Variants in MAP7D3 observed in about 807,000 individuals in gnomAD.
MAP7D3 encodes MAP7 domain-containing protein 3.
In MAP7D3, 45 loss-of-function variants were observed where a neutral mutation model predicts 62.2. That is an observed-to-expected ratio of 0.72 (90% CI 0.57 to 0.93). The LOEUF (loss-of-function observed/expected upper bound fraction) is 0.93. Among genes scored for constraint, MAP7D3 ranks in the 40% least tolerant of loss-of-function variants. The pLI, the probability that MAP7D3 is intolerant of heterozygous loss-of-function variation, is 0.00. For synonymous variants in MAP7D3, 288 were observed against 248.8 expected (o/e 1.16, Z -1.48); for missense variants, 711 against 683.1 (o/e 1.04, Z -0.45).
At position 136,218,115 on chromosome X, in the gene MAP7D3, T is replaced by C. The variant is rs1419059648; in HGVS notation, c.*411A>G. The stretch of plus-strand genomic sequence containing the variant: ...TTACTTTAAGATTTCAAATATATAC[T>C]GAAAGAGAATTAGTTCTGCAATCAG... On this transcript the variant is annotated 3_prime_UTR_variant, in exon 19 of 19. Transcript: ENST00000316077. 2 of 110,934 alleles carry C rather than the reference T, an allele frequency of 1.8e-5. No homozygotes were observed. Among genetic ancestry groups the C allele is most frequent in the African/African-American group, 3.3e-5 (1 of 30,576 alleles). 9.1% of individuals were successfully genotyped at this position (110,934 alleles called of 1,213,427 possible).
upstream of MAP7D3, among the ~76,000 whole-genome samples, chrX:136,252,766 T>C (rs2074528134): frequency 9.7e-6 from 1 of 102,929 alleles, no homozygotes; most frequent in African/African-American, 3.6e-5. Flanking sequence ...AATTAAAACG[T>C]GGTCAATAAG....
At chrX:136,251,964 G>A (rs1316181498), upstream of MAP7D3, among the ~76,000 whole-genome samples, 1 of 112,167 alleles carries the variant, frequency 8.9e-6, no homozygotes, top group Non-Finnish European at 1.9e-5. Flanking sequence ...AGATGTTTGT[G>A]AGTCTTCAAA....
intron 6 of MAP7D3, among the ~76,000 whole-genome samples, chrX:136,237,376 C>T (rs991224043): frequency 1.8e-5 from 2 of 112,092 alleles, no homozygotes; most frequent in African/African-American, 6.5e-5. Flanking sequence ...AAATAGACTA[C>T]TTGAATCAAC....
chrX:136,225,846 A>C (rs2074187589), intron 13 of MAP7D3, 63 bp downstream of exon 13: 7 of 714,749 alleles, frequency 9.8e-6, no homozygotes, highest in Admixed American at 5.8e-5. Context: ...AAACATGCTG[A>C]TATCAGGTGC....
chrX:136,256,273 C>A (rs758334523), upstream of MAP7D3: 1,795 of 1,152,410 alleles, frequency 1.6e-3, 1 homozygote, highest in Non-Finnish European at 2.0e-3. Context: ...CCCACATCTG[C>A]GCTTTCTTCC....
intron 1 of MAP7D3, among the ~76,000 whole-genome samples, chrX:136,249,704 G>C (rs1442551418): frequency 8.9e-6 from 1 of 112,064 alleles, no homozygotes; most frequent in African/African-American, 3.2e-5. Flanking sequence ...CAACATTTTA[G>C]CAAAAACATC....
downstream of MAP7D3, among the ~76,000 whole-genome samples, chrX:136,216,197 T>A (rs994414410): frequency 7.4e-5 from 8 of 107,782 alleles, no homozygotes; most frequent in Admixed American, 1.0e-4. Flanking sequence ...TAACAAGCAC[T>A]GAAATAGTTG....
At chrX:136,236,713 CAT>C (rs1483509427) in intron 6 of MAP7D3, among the ~76,000 whole-genome samples, 1 of 111,943 alleles carries the variant, frequency 8.9e-6, no homozygotes, top group African/African-American at 3.2e-5. Flanking sequence ...CGTATACACA[CAT>C]GTACACACAC....
At chrX:136,245,987 T>C (rs1023454423) in intron 3 of MAP7D3, 78 bp downstream of exon 3, 1 of 663,961 alleles carries the variant, frequency 1.5e-6, no homozygotes, top group African/African-American at 2.2e-5. Flanking sequence ...ATAAACAAAT[T>C]AGGAGGAATA....
intron 14 of MAP7D3, among the ~76,000 whole-genome samples, chrX:136,222,931 T>G (rs751065681): frequency 1.8e-5 from 2 of 109,354 alleles, no homozygotes; most frequent in Non-Finnish European, 3.8e-5. Flanking sequence ...AGCCTCAGAC[T>G]TTTGGACTCG....
At chrX:136,240,296 C>T (rs2074374565) in intron 6 of MAP7D3, 86 bp downstream of exon 6, 3 of 552,697 alleles carry the variant, frequency 5.4e-6, no homozygotes, top group Admixed American at 2.7e-5. Context: ...AAATGTTCCA[C>T]AATCTAAATA....
intron 18 of MAP7D3, among the ~76,000 whole-genome samples, chrX:136,218,763 C>T (rs1197409790): frequency 8.9e-6 from 1 of 112,001 alleles, no homozygotes; most frequent in African/African-American, 3.2e-5. Context: ...GAAGACCTCC[C>T]TAATCTTCTG....
chrX:136,256,400 A>C (rs1239131966), upstream of MAP7D3: 2 of 1,008,898 alleles, frequency 2.0e-6, no homozygotes, highest in Non-Finnish European at 2.7e-6. Flanking sequence ...CTGACACTTC[A>C]GTACCCCTCC....
chrX:136,251,503 G>A, upstream of MAP7D3: 1 of 822,639 alleles, frequency 1.2e-6, no homozygotes, highest in Non-Finnish European at 1.5e-6. Flanking sequence ...CACCGCGCCC[G>A]CCTCGGACCT....
intron 13 of MAP7D3, among the ~76,000 whole-genome samples, chrX:136,225,441 C>T (rs923687615): frequency 9.0e-6 from 1 of 111,726 alleles, no homozygotes; most frequent in Non-Finnish European, 1.9e-5. Flanking sequence ...ACCAGATAGG[C>T]CTTGCAGCAA....
At chrX:136,250,144 C>T (rs1037126294) in intron 1 of MAP7D3, among the ~76,000 whole-genome samples, 1 of 111,655 alleles carries the variant, frequency 9.0e-6, no homozygotes, top group Non-Finnish European at 1.9e-5. Flanking sequence ...ATTCTTTTCT[C>T]CCTAATGAAT....
At chrX:136,230,258 C>T (rs562199717) in intron 10 of MAP7D3, 127 bp downstream of exon 10, 21 of 450,130 alleles carry the variant, frequency 4.7e-5, no homozygotes, top group Middle Eastern at 1.2e-3. Flanking sequence ...GTTAGATTCT[C>T]TCTTTCTAAA....
chrX:136,228,536 T>C, intron 11 of MAP7D3, 87 bp downstream of exon 11: 1 of 927,015 alleles, frequency 1.1e-6, no homozygotes, highest in East Asian at 3.4e-5. Flanking sequence ...TCTTTGAGAA[T>C]TTATAACTTG....
In MAP7D3 at chrX:136,232,023, C is replaced by T; in HGVS notation, c.934G>A (p.Glu312Lys). The change falls in exon 8 of 19, where the codon GAA becomes AAA. Residue 312 changes from glutamate to lysine, a missense_variant. Coordinates refer to ENST00000316077, the MANE Select transcript of MAP7D3 (RefSeq NM_024597.4). ...SVDAPPQVNV[E>K]VFCNTSMEAS... Reference sequence around the variant, plus strand: ...TCCATGCTTGTGTTGCAGAATACTTCCACATTCACCTGGGGGGGTGCATCC... The same window carrying T: ...TCCATGCTTGTGTTGCAGAATACTTTCACATTCACCTGGGGGGGTGCATCC... 1.7e-6 allele frequency: 2 copies of T among 1,210,844 alleles called. No homozygotes were observed. Among genetic ancestry groups the T allele is most frequent in the Non-Finnish European group, 2.2e-6 (2 of 894,831 alleles).
Sources: gnomAD v4.1 joint callset for allele counts (sites outside exome capture counted in the v4.1 genomes callset) on GRCh38, gnomAD v4.1.1 for gene constraint, MANE v1.5 for transcripts, NCBI Gene and HGNC (gene_info 2026-07-23, HGNC 2026-07-21) for gene names.